PRELID2: variants seen among roughly 807,000 people sequenced by gnomAD.
PRELID2 encodes PRELI domain-containing protein 2.
PRELID2 carries 25 observed loss-of-function variants against 28.4 expected under a neutral mutation model. That is an observed-to-expected ratio of 0.88 (90% CI 0.64 to 1.23). The LOEUF (loss-of-function observed/expected upper bound fraction) is 1.23, where lower values mean the gene tolerates loss of function less well. PRELID2 is among the 50% of genes most tolerant of loss of function. The probability of loss-of-function intolerance (pLI) is 0.00; values close to 1 mark genes in which losing one functional copy is unlikely to be tolerated. For synonymous variants in PRELID2, 76 were observed against 71.6 expected (o/e 1.06, Z -0.31); for missense variants, 201 against 214.4 (o/e 0.94, Z 0.39).
In PRELID2 at chr5:145,724,600, AATATATATATATATAT is replaced by A. The variant is rs59677300; in HGVS notation, n.70+40315_70+40330del. ...ACACTGAAATAACAAGAAGTAAATA[AATATATATATATATAT>A]ATATATATATATATATATATATATA... On this transcript the variant is annotated intron_variant and non_coding_transcript_variant, in intron 1 of 2. Transcript: ENST00000510259. 7.8e-3 allele frequency among the ~76,000 whole-genome samples: 192 copies of A among 24,770 alleles called. 5 individuals are homozygous for A. The highest frequency in any genetic ancestry group is 0.031 in the South Asian group (24 of 784). The allele number at this position is 24,770 out of a possible 152,430, so 16.3% of individuals were successfully genotyped here. A position where few individuals can be genotyped will look rare whatever the true frequency, so the allele number is the denominator to read the frequency against.
chr5:145,516,339 C>A (rs1752517124), intron 1 of PRELID2, among the ~76,000 whole-genome samples: 7 of 152,092 alleles, frequency 4.6e-5, no homozygotes, highest in Admixed American at 4.6e-4. Context: ...CATTTCTATA[C>A]ACCAATAAAA....
chr5:145,514,867 C>A (rs564467596), intron 1 of PRELID2, among the ~76,000 whole-genome samples: 1 of 152,284 alleles, frequency 6.6e-6, no homozygotes, highest in East Asian at 1.9e-4. Context: ...CAAAACCGCA[C>A]AACTACATGG....
chr5:145,572,357 G>T (rs534678195), intron 1 of PRELID2, among the ~76,000 whole-genome samples: 1 of 152,202 alleles, frequency 6.6e-6, no homozygotes, highest in Non-Finnish European at 1.5e-5. Context: ...ACTGGCAATT[G>T]GTCATTCATA....
chr5:145,811,082 CAAAAAAAAAAAAAAAAA>C lies in PRELID2; in HGVS notation c.368+6795_368+6811del, dbSNP rs56978118. 9.0e-4 allele frequency among the ~76,000 whole-genome samples: 24 copies of C among 26,748 alleles called. 1 individual carries two copies. In the South Asian group the frequency reaches 0.011, roughly 12 times the overall value. 17.5% of individuals were successfully genotyped at this position (26,748 alleles called of 152,430 possible). A position where few individuals can be genotyped will look rare whatever the true frequency, so the allele number is the denominator to read the frequency against. On this transcript the variant is annotated intron_variant, in intron 4 of 6. Transcript: ENST00000683046. ...AAGGCACGTCTTACATGGCAGCAGGCAAAAAAAAAAAAAAAAAAAAAAAAAAAAAAAAAAAAATTGTG... is the reference window on the plus strand; with the variant it reads ...AAGGCACGTCTTACATGGCAGCAGGCAAAAAAAAAAAAAAAAAAAATTGTG...
chr5:145,295,589 A>G, the PRELID2 span, among the ~76,000 whole-genome samples: 3 of 152,160 alleles, frequency 2.0e-5, no homozygotes, highest in African/African-American at 7.2e-5. Flanking sequence ...TGAATGCCAG[A>G]TAGAAATAAA....
the PRELID2 span, among the ~76,000 whole-genome samples, chr5:145,267,647 T>G: frequency 6.6e-6 from 1 of 152,328 alleles, no homozygotes; most frequent in East Asian, 1.9e-4. Context: ...TTTGATGTAC[T>G]GATTTCATTT....
intron 1 of PRELID2, among the ~76,000 whole-genome samples, chr5:145,748,365 C>T: frequency 6.6e-6 from 1 of 152,076 alleles, no homozygotes; most frequent in Admixed American, 6.6e-5. Flanking sequence ...GAATGAACTC[C>T]CATTCACAAA....
In PRELID2 at chr5:145,796,398, T is replaced by G. The variant is rs1305844199; in HGVS notation, c.474+44A>C. ...TCAATAACCCTATTGGAACTCCTAT[T>G]GTTTTTTAAAATTAATGTTGGTTCA... is the stretch of plus-strand genomic sequence containing the variant. On this transcript the variant is annotated intron_variant, in intron 5 of 6. Coordinates refer to ENST00000683046, the MANE Select transcript of PRELID2 (RefSeq NM_205846.3). 6.0e-6 allele frequency: 8 copies of G among 1,340,920 alleles called. No individual in the cohort carries two copies. The Admixed American group carries it at 1.4e-4, about 23-fold the overall frequency. The allele number at this position is 1,340,920 out of a possible 1,614,324, so 83.1% of individuals were successfully genotyped here. A position where few individuals can be genotyped will look rare whatever the true frequency, so the allele number is the denominator to read the frequency against.
intron 1 of PRELID2, among the ~76,000 whole-genome samples, chr5:145,516,240 C>T (rs2126644961): frequency 1.3e-5 from 2 of 152,284 alleles, no homozygotes; most frequent in Middle Eastern, 6.8e-3. Context: ...ATTTAGAAAA[C>T]CCCATCGTCT....
At chr5:145,668,071 A>G (rs1050989665) in intron 1 of PRELID2, among the ~76,000 whole-genome samples, 1 of 152,136 alleles carries the variant, frequency 6.6e-6, no homozygotes, top group African/African-American at 2.4e-5. Flanking sequence ...TCCAAAAGTC[A>G]CATTAGAATT....
At chr5:145,316,525 A>T in the PRELID2 span, among the ~76,000 whole-genome samples, 1 of 152,198 alleles carries the variant, frequency 6.6e-6, no homozygotes, top group Non-Finnish European at 1.5e-5. Flanking sequence ...CCCAATGTGA[A>T]AGAGAATAGA....
the PRELID2 span, among the ~76,000 whole-genome samples, chr5:145,310,657 G>A: frequency 6.6e-6 from 1 of 152,136 alleles, no homozygotes; most frequent in Admixed American, 6.5e-5. Context: ...TTCACCCAAA[G>A]GTTAATTCAT....
rs1271218972 is a variant in PRELID2, at chr5:145,496,915, T to C, written n.71-23600A>G. Among the ~76,000 whole-genome samples, 4 of 152,106 alleles carry C rather than the reference T, an allele frequency of 2.6e-5. No individual in the cohort carries two copies. In the East Asian group the frequency reaches 7.7e-4, roughly 29 times the overall value. On this transcript the variant is annotated intron_variant and non_coding_transcript_variant, in intron 1 of 2. Transcript: ENST00000510259. ...CCTCACTCTGTTGCCTGAGCTGGAG[T>C]ACAGTGGCATGACCATGGCTCACTG...
intron 1 of PRELID2, among the ~76,000 whole-genome samples, chr5:145,668,288 T>G (rs1471716447): frequency 6.6e-6 from 1 of 151,902 alleles, no homozygotes; most frequent in Non-Finnish European, 1.5e-5. Context: ...TGGTGTTTTC[T>G]GACAACCTAA....
chr5:145,278,267 A>T, the PRELID2 span, among the ~76,000 whole-genome samples: 1 of 152,308 alleles, frequency 6.6e-6, no homozygotes, highest in East Asian at 1.9e-4. Context: ...ATTACCACCA[A>T]CTTAGCTGCT....
At chr5:145,627,929 A>T (rs1347728016) in intron 1 of PRELID2, among the ~76,000 whole-genome samples, 4 of 152,196 alleles carry the variant, frequency 2.6e-5, no homozygotes, top group African/African-American at 9.6e-5. Flanking sequence ...TATGTCCTGG[A>T]TGTACAAATG....
the PRELID2 span, among the ~76,000 whole-genome samples, chr5:145,232,594 A>G: frequency 6.6e-6 from 1 of 152,174 alleles, no homozygotes; most frequent in Non-Finnish European, 1.5e-5. Flanking sequence ...CGTTATTTGG[A>G]CATATATTTT....
At chr5:145,592,216 A>G (rs1026388147) in intron 1 of PRELID2, among the ~76,000 whole-genome samples, 9 of 152,068 alleles carry the variant, frequency 5.9e-5, no homozygotes, top group African/African-American at 2.2e-4. Context: ...GGAGTTTGAG[A>G]CCAGCCTGGC....
chr5:145,805,352 C>T (rs956501721), intron 4 of PRELID2, among the ~76,000 whole-genome samples: 13 of 152,150 alleles, frequency 8.5e-5, no homozygotes, highest in African/African-American at 2.4e-4. Context: ...ATAAGATTAA[C>T]AAGAATTTTG....
Sources: allele counts gnomAD v4.1 joint callset (sites outside exome capture counted in the v4.1 genomes callset), GRCh38; gene constraint gnomAD v4.1.1; transcripts MANE v1.5; gene names NCBI Gene and HGNC (gene_info 2026-07-23, HGNC 2026-07-21).